The following MYCBP2 variants were observed in gnomAD, a reference collection of about 807,000 sequenced individuals.
The protein encoded by MYCBP2 is E3 ubiquitin-protein ligase MYCBP2.
MYCBP2 carries 120 observed loss-of-function variants against 525.3 expected under a neutral mutation model. That is an observed-to-expected ratio of 0.23 (90% CI 0.20 to 0.27). The LOEUF (loss-of-function observed/expected upper bound fraction) is 0.27, where lower values mean the gene tolerates loss of function less well. Ranked by LOEUF, MYCBP2 falls within the 10% of genes least tolerant of loss-of-function variation. The pLI, the probability that MYCBP2 is intolerant of heterozygous loss-of-function variation, is 1.00. For missense variants in MYCBP2, 4,149 were observed against 5,657.1 expected (o/e 0.73, Z 8.55); for synonymous variants, 1,894 against 1,955.8 (o/e 0.97, Z 0.83).
intron 49 of MYCBP2, among the ~76,000 whole-genome samples, chr13:77,141,147 G>C (rs2054548987): frequency 6.6e-6 from 1 of 152,114 alleles, no homozygotes; most frequent in Non-Finnish European, 1.5e-5. Flanking sequence ...GAATGTCTCA[G>C]GATGTCAAGG....
chr13:77,107,936 C>T (rs895865974), intron 55 of MYCBP2, among the ~76,000 whole-genome samples: 2 of 151,570 alleles, frequency 1.3e-5, no homozygotes, highest in Admixed American at 6.6e-5. Flanking sequence ...CAGCTTAGGA[C>T]GTGGAACAGA....
At chr13:77,307,283 CCT>C (rs1399267798) in intron 1 of MYCBP2, among the ~76,000 whole-genome samples, 1 of 152,096 alleles carries the variant, frequency 6.6e-6, no homozygotes, top group East Asian at 1.9e-4. Context: ...ACCATACATC[CCT>C]CTCTTTGTTT....
At chr13:77,103,166 T>A (rs1205023974) in intron 55 of MYCBP2, 1 of 397,252 alleles carries the variant, frequency 2.5e-6, no homozygotes, top group African/African-American at 2.1e-5. Flanking sequence ...ACACTCCTTA[T>A]GTTCATTAAG....
intron 54 of MYCBP2, among the ~76,000 whole-genome samples, chr13:77,123,351 A>C (rs1255602598): frequency 6.6e-6 from 1 of 152,234 alleles, no homozygotes; most frequent in Non-Finnish European, 1.5e-5. Context: ...CTAATTACAG[A>C]GAAAAATTTA....
intron 52 of MYCBP2, among the ~76,000 whole-genome samples, chr13:77,131,027 C>G (rs1204749702): frequency 2.0e-5 from 3 of 152,036 alleles, no homozygotes; most frequent in Non-Finnish European, 4.4e-5. Context: ...TAATAAATTG[C>G]CAATAAAATC....
chr13:77,098,930 G>C lies in MYCBP2; in HGVS notation c.8224C>G (p.Leu2742Val), dbSNP rs534560001. 1.2e-6 allele frequency: 2 copies of C among 1,613,510 alleles called. No homozygotes were observed. Among genetic ancestry groups the C allele is most frequent in the Admixed American group, 1.7e-5 (1 of 59,956 alleles). ...CGGCTCATACGTCCATCAGGTTTAA[G>C]CGATCTGCTGTGTTTAGAGGACAGC... ...SELSSKHSRS[L>V]KPDGRMSRTT... Residue 2742 changes from leucine (L) to valine (V), a missense_variant, in exon 56 of 83, where the codon CTT becomes GTT. Leu to Val is a conservative substitution (Grantham distance 32). Transcript: ENST00000544440.
At chr13:77,273,780 A>T (rs1009387315) in intron 4 of MYCBP2, 112 bp from the exon 5 acceptor site, 4 of 781,772 alleles carry the variant, frequency 5.1e-6, no homozygotes, top group Non-Finnish European at 7.2e-6. Context: ...GGAATCTAGA[A>T]CAATTACTTT....
intron 37 of MYCBP2, among the ~76,000 whole-genome samples, chr13:77,172,125 T>A (rs974354747): frequency 6.6e-6 from 1 of 152,060 alleles, no homozygotes; most frequent in South Asian, 2.1e-4. Context: ...GGTCTCAAAC[T>A]CCTGACCTCG....
At chr13:77,094,239 T>A (rs1026436560) in intron 58 of MYCBP2, among the ~76,000 whole-genome samples, 1 of 152,168 alleles carries the variant, frequency 6.6e-6, no homozygotes. Context: ...ATTACCTTCA[T>A]TTGTCAGCTG....
chr13:77,319,623 G>C lies in MYCBP2; in HGVS notation c.302+6851C>G, dbSNP rs144242210. On this transcript the variant is annotated intron_variant, in intron 1 of 82. Transcript: ENST00000544440. The stretch of plus-strand genomic sequence containing the variant: ...TGTTATTTACCAAAAGCCATCTGAT[G>C]ATTGTCCTCATAATTAATTTCTCTG... Among the ~76,000 whole-genome samples the C allele has an allele frequency of 1.6e-3, 236 of 152,238 alleles. 1 individual carries two copies. The highest frequency in any genetic ancestry group is 5.5e-3 in the African/African-American group (227 of 41,526).
chr13:77,168,985 A>C (rs1358882437), intron 39 of MYCBP2, among the ~76,000 whole-genome samples: 1 of 152,204 alleles, frequency 6.6e-6, no homozygotes, highest in African/African-American at 2.4e-5. Flanking sequence ...TAACATTGCT[A>C]TTGTTATTAA....
At chr13:77,227,356 A>C (rs1837727138) in intron 18 of MYCBP2, among the ~76,000 whole-genome samples, 1 of 151,740 alleles carries the variant, frequency 6.6e-6, no homozygotes, top group Non-Finnish European at 1.5e-5. Context: ...AAAAAAAAAA[A>C]AAAAACCAAC....
At chr13:77,169,832 A>G (rs899075339) in intron 38 of MYCBP2, 118 bp from the exon 39 acceptor site, 4 of 816,042 alleles carry the variant, frequency 4.9e-6, no homozygotes, top group African/African-American at 3.5e-5. Context: ...GTTGACACCA[A>G]TTGGGTGCTT....
intron 52 of MYCBP2, among the ~76,000 whole-genome samples, chr13:77,132,439 C>G (rs1389812661): frequency 6.6e-6 from 1 of 152,142 alleles, no homozygotes; most frequent in African/African-American, 2.4e-5. Flanking sequence ...CTCTTCAACT[C>G]TACTTCAAAT....
At chr13:77,221,903 T>C (rs1226003683) in intron 20 of MYCBP2, among the ~76,000 whole-genome samples, 14 of 152,182 alleles carry the variant, frequency 9.2e-5, no homozygotes, top group Admixed American at 9.2e-4. Context: ...TATTTGTACA[T>C]AAACTACACA....
chr13:77,275,480 T>A (rs2075428973), intron 4 of MYCBP2, among the ~76,000 whole-genome samples: 1 of 152,144 alleles, frequency 6.6e-6, no homozygotes, highest in Admixed American at 6.6e-5. Flanking sequence ...CACTCCCTCC[T>A]ATTCACCCTC....
rs141645188 is a variant in MYCBP2 at position 77,230,916 on chromosome 13, C to T, written c.2737+2240G>A. Among the ~76,000 whole-genome samples the T allele has an allele frequency of 1.0e-3, 157 of 152,200 alleles. 1 individual carries two copies. The highest frequency in any genetic ancestry group is 3.4e-3 in the Middle Eastern group (1 of 294). On this transcript the variant is annotated intron_variant, in intron 18 of 82. Transcript: ENST00000544440. ...GCTCAAAAAGTTTCAGATCTTGGAG[C>T]ATTTCGAATTTTCAAATTAGGGATG...
At chr13:77,103,343 C>T (rs2047362588) in intron 55 of MYCBP2, 1 of 397,090 alleles carries the variant, frequency 2.5e-6, no homozygotes, top group Non-Finnish European at 4.5e-6. Context: ...AGAAGCAGCA[C>T]AGATTCAATG....
At chr13:77,240,375 A>T (rs1673042749) in intron 17 of MYCBP2, among the ~76,000 whole-genome samples, 1 of 152,182 alleles carries the variant, frequency 6.6e-6, no homozygotes, top group Non-Finnish European at 1.5e-5. Flanking sequence ...TGGGAGGCTG[A>T]GGCAGGTGGA....
Sources: allele counts gnomAD v4.1 joint callset (sites outside exome capture counted in the v4.1 genomes callset), GRCh38; gene constraint gnomAD v4.1.1; transcripts MANE v1.5; gene names NCBI Gene and HGNC (gene_info 2026-07-23, HGNC 2026-07-21).